The following TMOD2 variants were observed in gnomAD, a reference collection of about 807,000 sequenced individuals.
The protein encoded by TMOD2 is tropomodulin-2.
In TMOD2, 22 loss-of-function variants were observed where a neutral mutation model predicts 39.9. That is an observed-to-expected ratio of 0.55 (90% CI 0.39 to 0.79). TMOD2 has a LOEUF of 0.79. TMOD2 is among the 30% of genes least tolerant of loss of function. TMOD2 has a pLI of 0.00. For synonymous variants in TMOD2, 123 were observed against 146.1 expected (o/e 0.84, Z 1.14); for missense variants, 386 against 413.3 (o/e 0.93, Z 0.57).
intron 7 of TMOD2, among the ~76,000 whole-genome samples, chr15:51,792,158 A>G (rs1014558920): frequency 2.0e-5 from 3 of 152,248 alleles, no homozygotes; most frequent in Non-Finnish European, 2.9e-5. Flanking sequence ...ACTTAAACAA[A>G]TTTACAAGAA....
intron 1 of TMOD2, among the ~76,000 whole-genome samples, chr15:51,763,075 C>T (rs1159461646): frequency 6.6e-6 from 1 of 151,206 alleles, no homozygotes; most frequent in Non-Finnish European, 1.5e-5. Flanking sequence ...ACTGGGACTA[C>T]AGGCATGTGC....
intron 1 of TMOD2, chr15:51,752,888 T>TTTTGTAAGGTAC (rs2055716601): frequency 1.3e-5 from 2 of 152,182 alleles, no homozygotes; most frequent in Non-Finnish European, 2.9e-5. Context: ...TTGCAATCAT[T>TTTTGTAAGGTAC]TTAATTTTTG....
chr15:51,773,779 A>G lies in TMOD2; in HGVS notation c.351A>G (p.Pro117=), dbSNP rs538175265. 6.2e-7 allele frequency: 1 copy of G among 1,613,778 alleles called. No homozygotes were observed. The highest frequency in any genetic ancestry group is 8.5e-7 in the Non-Finnish European group (1 of 1,179,850). The stretch of plus-strand genomic sequence containing the variant: ...AAGAAGAAAAAGTGACCCTTGACCC[A>G]GAACTGGAAGAAGCTTTGGCCAGTG... The part of the protein sequence containing the change: ...TRKEEKVTLD[P]ELEEALASAS... Residue 117 remains proline (P), a synonymous_variant, in exon 4 of 10, where the codon CCA becomes CCG. Coordinates refer to ENST00000249700, the MANE Select transcript of TMOD2 (RefSeq NM_014548.4).
intron 7 of TMOD2, chr15:51,784,022 T>G (rs1386543563): frequency 6.6e-6 from 1 of 152,240 alleles, no homozygotes; most frequent in East Asian, 1.9e-4. Flanking sequence ...CTCATCCATT[T>G]GTCACTGTAA....
Position 51,812,757 on chromosome 15 carries a change from A to G in TMOD2, c.*4303A>G, listed in dbSNP as rs971102873. On this transcript the variant is annotated 3_prime_UTR_variant, in exon 10 of 10. Transcript: ENST00000249700. ...TTCTGGAGTCAGGTTTTAAGTCATGATCCTGAAGCTTCCTTCCCCTCTTCC... is the reference window on the plus strand; with the variant it reads ...TTCTGGAGTCAGGTTTTAAGTCATGGTCCTGAAGCTTCCTTCCCCTCTTCC... The G allele has an allele frequency of 6.6e-6, 1 of 152,200 alleles. No homozygotes were observed. The highest frequency in any genetic ancestry group is 1.5e-5 in the Non-Finnish European group (1 of 68,044). 9.4% of individuals were successfully genotyped at this position (152,200 alleles called of 1,614,324 possible).
At chr15:51,773,918 C>T (rs529414264) in intron 4 of TMOD2, 84 bp downstream of exon 4, 62 of 1,456,446 alleles carry the variant, frequency 4.3e-5, no homozygotes, top group Admixed American at 1.2e-4. Context: ...AGGCTTTGAG[C>T]TTCTCTTAGG....
At chr15:51,793,158 G>A (rs1040708258) in intron 7 of TMOD2, among the ~76,000 whole-genome samples, 5 of 152,062 alleles carry the variant, frequency 3.3e-5, no homozygotes, top group African/African-American at 9.7e-5. Context: ...ATGGGGTTAT[G>A]TCCAGATAAA....
chr15:51,786,503 T>C (rs2055971078), intron 7 of TMOD2, among the ~76,000 whole-genome samples: 1 of 152,212 alleles, frequency 6.6e-6, no homozygotes, highest in South Asian at 2.1e-4. Flanking sequence ...CATTTAAGGC[T>C]GTTTGGCATT....
At chr15:51,764,002 A>G (rs1014363187) in intron 1 of TMOD2, among the ~76,000 whole-genome samples, 3 of 152,160 alleles carry the variant, frequency 2.0e-5, no homozygotes, top group African/African-American at 7.2e-5. Flanking sequence ...GCACCAGAAC[A>G]AAGTGTATAG....
intron 1 of TMOD2, among the ~76,000 whole-genome samples, chr15:51,759,196 G>A (rs1348850496): frequency 8.0e-6 from 1 of 124,398 alleles, no homozygotes; most frequent in Non-Finnish European, 1.8e-5. Context: ...AGAGAGAGAA[G>A]ATGTTAAGGA....
intron 7 of TMOD2, among the ~76,000 whole-genome samples, chr15:51,786,052 A>C (rs1431064697): frequency 3.3e-5 from 5 of 152,160 alleles, no homozygotes; most frequent in Admixed American, 6.5e-5. Context: ...ATATACATAT[A>C]TATATTCATT....
intron 8 of TMOD2, among the ~76,000 whole-genome samples, chr15:51,799,010 C>G (rs1358995404): frequency 6.6e-6 from 1 of 152,222 alleles, no homozygotes; most frequent in Non-Finnish European, 1.5e-5. Flanking sequence ...AGAGCCACCT[C>G]TTCCTGCCTG....
intron 5 of TMOD2, among the ~76,000 whole-genome samples, chr15:51,778,565 G>C (rs1324586520): frequency 6.7e-6 from 1 of 149,384 alleles, no homozygotes; most frequent in Non-Finnish European, 1.5e-5. Flanking sequence ...TATCTGTCCA[G>C]GGTAAGGAAG....
intron 7 of TMOD2, among the ~76,000 whole-genome samples, chr15:51,786,550 C>T (rs2055971362): frequency 6.6e-6 from 1 of 152,162 alleles, no homozygotes. Flanking sequence ...GTGGTGAACA[C>T]AAGCCATTTT....
At chr15:51,773,049 C>T (rs1567238032) in intron 3 of TMOD2, among the ~76,000 whole-genome samples, 1 of 152,190 alleles carries the variant, frequency 6.6e-6, no homozygotes, top group Non-Finnish European at 1.5e-5. Flanking sequence ...ATCTGTCCCA[C>T]ACTGCCAGGG....
intron 3 of TMOD2, among the ~76,000 whole-genome samples, chr15:51,769,439 C>T (rs1377379672): frequency 2.0e-5 from 3 of 152,168 alleles, no homozygotes; most frequent in Non-Finnish European, 2.9e-5. Context: ...TGGCCAGATG[C>T]TAGAACCACA....
intron 1 of TMOD2, among the ~76,000 whole-genome samples, chr15:51,760,662 T>C (rs923594714): frequency 6.6e-6 from 1 of 151,882 alleles, no homozygotes. Flanking sequence ...AAAAATTAGC[T>C]GGGTATGGTG....
chr15:51,763,125 A>G (rs1304047038), intron 1 of TMOD2, among the ~76,000 whole-genome samples: 1 of 152,000 alleles, frequency 6.6e-6, no homozygotes. Context: ...AAATTGTAGA[A>G]ACGGGGTCTC....
intron 3 of TMOD2, among the ~76,000 whole-genome samples, chr15:51,772,931 C>T (rs1567237995): frequency 6.6e-6 from 1 of 152,162 alleles, no homozygotes; most frequent in East Asian, 1.9e-4. Flanking sequence ...GCCACATTTT[C>T]CAAATATTTA....
Sources: gnomAD v4.1 joint callset for allele counts (sites outside exome capture counted in the v4.1 genomes callset) on GRCh38, gnomAD v4.1.1 for gene constraint, MANE v1.5 for transcripts, NCBI Gene and HGNC (gene_info 2026-07-23, HGNC 2026-07-21) for gene names.